Variants in GRIK4 observed in about 807,000 individuals in gnomAD.
The protein encoded by GRIK4 is glutamate ionotropic receptor kainate type subunit 4, also known as glutamate receptor ionotropic, kainate 4.
GRIK4 carries 40 observed loss-of-function variants against 104.9 expected under a neutral mutation model. The ratio of observed to expected loss-of-function variants is 0.38; its 90% CI spans 0.30 to 0.50. The LOEUF (loss-of-function observed/expected upper bound fraction) is 0.50, where lower values mean the gene tolerates loss of function less well. GRIK4 is among the 20% of genes least tolerant of loss of function. The pLI is 0.93. For synonymous variants in GRIK4, 485 were observed against 524.9 expected, an observed-to-expected ratio of 0.92 and a Z score of 1.04; for missense variants, 1,047 against 1,308.1, an observed-to-expected ratio of 0.80 and a Z score of 3.08.
At chr11:120,669,179 G>T (rs1949972191) in intron 3 of GRIK4, among the ~76,000 whole-genome samples, 1 of 152,186 alleles carries the variant, frequency 6.6e-6, no homozygotes, top group Non-Finnish European at 1.5e-5. Context: ...ACACTCATGT[G>T]TGGGTGGCAC....
At chr11:120,691,633 A>G (rs1295953542) in intron 3 of GRIK4, among the ~76,000 whole-genome samples, 2 of 152,194 alleles carry the variant, frequency 1.3e-5, no homozygotes, top group African/African-American at 4.8e-5. Flanking sequence ...GAGCAATGTA[A>G]GAGTAGCATT....
chr11:120,719,489 C>T (rs953215369), intron 3 of GRIK4, among the ~76,000 whole-genome samples: 1 of 152,128 alleles, frequency 6.6e-6, no homozygotes, highest in African/African-American at 2.4e-5. Context: ...TCTGAGTGCT[C>T]CTCTTCTGGT....
chr11:120,564,020 TAGGGGGTGGGTAGGG>T, intron 1 of GRIK4, among the ~76,000 whole-genome samples: 1 of 151,952 alleles, frequency 6.6e-6, no homozygotes, highest in African/African-American at 2.4e-5. Context: ...TTTGAAAGGT[TAGGGGGTGGGTAGGG>T]AGGCAGTTTA....
At chr11:120,780,617 G>A (rs1026745617) in intron 3 of GRIK4, among the ~76,000 whole-genome samples, 2 of 152,188 alleles carry the variant, frequency 1.3e-5, no homozygotes, top group African/African-American at 4.8e-5. Flanking sequence ...TTGAGACCCT[G>A]CTTTCTATTA....
intron 3 of GRIK4, among the ~76,000 whole-genome samples, chr11:120,691,224 C>T (rs548192683): frequency 6.6e-6 from 1 of 152,280 alleles, no homozygotes; most frequent in South Asian, 2.1e-4. Context: ...TGGGAATGGT[C>T]TTATTCTCAC....
chr11:120,881,657 C>T (rs1224019134), intron 11 of GRIK4, among the ~76,000 whole-genome samples: 4 of 152,180 alleles, frequency 2.6e-5, no homozygotes, highest in Admixed American at 2.0e-4. Flanking sequence ...AGAATTCAAC[C>T]CAACTCCTTG....
intron 1 of GRIK4, among the ~76,000 whole-genome samples, chr11:120,585,471 CCTGAGTAG>C (rs1304364821): frequency 6.6e-6 from 1 of 152,076 alleles, no homozygotes; most frequent in African/African-American, 2.4e-5. Flanking sequence ...GCCTTAGCCT[CCTGAGTAG>C]CTGGGATTAC....
In GRIK4 at chr11:120,875,120, C is replaced by T. The variant is rs998634707; in HGVS notation, c.1060-19C>T. 1 of 1,510,918 alleles carries T rather than the reference C, an allele frequency of 6.6e-7. No homozygotes were observed. The highest frequency in any genetic ancestry group is 1.4e-5 in the African/African-American group (1 of 73,068). The allele number at this position is 1,510,918 out of a possible 1,614,324, so 93.6% of individuals were successfully genotyped here. A position where few individuals can be genotyped will look rare whatever the true frequency, so the allele number is the denominator to read the frequency against. On this transcript the variant is annotated intron_variant, in intron 10 of 20. Transcript: ENST00000527524. ...ACCTGGGGCCTGTTTGGTGCTGTAA[C>T]TCACTCTCTCTTGGACAGGTAGAAT... is the stretch of plus-strand genomic sequence containing the variant.
At chr11:120,566,627 G>A (rs1948327249) in intron 1 of GRIK4, among the ~76,000 whole-genome samples, 1 of 152,068 alleles carries the variant, frequency 6.6e-6, no homozygotes, top group African/African-American at 2.4e-5. Context: ...TTACTGGTGA[G>A]CAATTAATGG....
At chr11:120,899,724 G>A (rs1445035796) in intron 12 of GRIK4, among the ~76,000 whole-genome samples, 1 of 152,176 alleles carries the variant, frequency 6.6e-6, no homozygotes, top group Non-Finnish European at 1.5e-5. Context: ...GTATTAAGCA[G>A]TAATTAGTTT....
At chr11:120,591,916 G>A (rs536323723) in intron 1 of GRIK4, among the ~76,000 whole-genome samples, 10 of 152,316 alleles carry the variant, frequency 6.6e-5, no homozygotes, top group Admixed American at 5.9e-4. Context: ...TGAATCAGGG[G>A]AGAGATCTTG....
chr11:120,670,121 C>G (rs1380200760), intron 3 of GRIK4, among the ~76,000 whole-genome samples: 1 of 152,224 alleles, frequency 6.6e-6, no homozygotes, highest in Non-Finnish European at 1.5e-5. Context: ...TATCAACAGT[C>G]CTGTTGGCTC....
At chr11:120,689,469 C>T (rs1391012357) in intron 3 of GRIK4, among the ~76,000 whole-genome samples, 1 of 152,096 alleles carries the variant, frequency 6.6e-6, no homozygotes, top group Non-Finnish European at 1.5e-5. Flanking sequence ...CCCTCCTTTC[C>T]TTCATCATCT....
chr11:120,553,263 G>C (rs1948156802), intron 1 of GRIK4, among the ~76,000 whole-genome samples: 1 of 152,186 alleles, frequency 6.6e-6, no homozygotes, highest in Non-Finnish European at 1.5e-5. Flanking sequence ...GAGGGTCCAG[G>C]ACAGGAGCCT....
At chr11:120,801,518 G>A (rs7938911) in intron 3 of GRIK4, among the ~76,000 whole-genome samples, 2,285 of 152,192 alleles carry the variant, frequency 0.015, 55 homozygotes, top group African/African-American at 0.052. Context: ...TGAGCCATGC[G>A]TCCAGCCACA....
intron 9 of GRIK4, among the ~76,000 whole-genome samples, chr11:120,866,686 G>A (rs1465569472): frequency 6.6e-6 from 1 of 152,132 alleles, no homozygotes; most frequent in African/African-American, 2.4e-5. Flanking sequence ...GGCTGTCTCA[G>A]GGAACCATGC....
At chr11:120,874,039 C>T (rs978313995) in intron 9 of GRIK4, 27 bp from the exon 10 acceptor site, 1 of 1,588,414 alleles carries the variant, frequency 6.3e-7, no homozygotes, top group Non-Finnish European at 8.6e-7. Context: ...CACTCCCTCC[C>T]TCCGCCTGCT....
At chr11:120,630,913 G>C (rs1024218489) in intron 1 of GRIK4, among the ~76,000 whole-genome samples, 7 of 152,118 alleles carry the variant, frequency 4.6e-5, no homozygotes, top group Non-Finnish European at 1.0e-4. Flanking sequence ...GTGTACCTGG[G>C]CGATCTCTGG....
Position 120,660,275 on chromosome 11 carries a change from G to A in GRIK4, c.-44G>A, listed in dbSNP as rs1441291956. ...CCAACCCCCTCTCTCGCAGAGTTAT[G>A]TCATGCCCAGGCCAGCAGGGGGCTC... On this transcript the variant is annotated 5_prime_UTR_variant, in exon 3 of 21. An upstream start codon of the reference 5' UTR is lost. Coordinates refer to ENST00000527524, the MANE Select transcript of GRIK4 (RefSeq NM_014619.5). The A allele has an allele frequency of 7.0e-7, 1 of 1,436,624 alleles. No homozygotes were observed. Among genetic ancestry groups the A allele is most frequent in the Non-Finnish European group, 9.8e-7 (1 of 1,021,012 alleles). The allele number at this position is 1,436,624 out of a possible 1,614,324, so 89.0% of individuals were successfully genotyped here.
Sources: gnomAD v4.1 joint callset for allele counts (sites outside exome capture counted in the v4.1 genomes callset) on GRCh38, gnomAD v4.1.1 for gene constraint, MANE v1.5 for transcripts, NCBI Gene and HGNC (gene_info 2026-07-23, HGNC 2026-07-21) for gene names.